The following TSPAN18 variants were observed in gnomAD, a reference collection of about 807,000 sequenced individuals.
TSPAN18 encodes the protein tetraspanin 18, also known as tetraspanin-18.
TSPAN18 carries 14 observed loss-of-function variants against 27.3 expected under a neutral mutation model. That is an observed-to-expected ratio of 0.51 (90% confidence interval 0.34 to 0.80). The LOEUF is 0.80. Among genes scored for constraint, TSPAN18 ranks in the 30% least tolerant of loss-of-function variants. The probability of loss-of-function intolerance (pLI) is 0.01; values close to 1 mark genes in which losing one functional copy is unlikely to be tolerated. For synonymous variants in TSPAN18, 143 were observed against 136.5 expected, an observed-to-expected ratio of 1.05 and a Z score of -0.33; for missense variants, 268 against 323.9, an observed-to-expected ratio of 0.83 and a Z score of 1.32.
Position 44,919,951 on chromosome 11 carries a change from G to A in TSPAN18, c.567G>A (p.Leu189=). ...REPQSRDGVL[L]SREECLLGRS... Reference sequence around the variant, plus strand: ...CCCAAAGTCGGGACGGGGTCCTGCTGAGCCGGGAGGAGTGCCTCCTGGGAA... The same window carrying A: ...CCCAAAGTCGGGACGGGGTCCTGCTAAGCCGGGAGGAGTGCCTCCTGGGAA... Residue 189 remains leucine, a synonymous_variant, in exon 8 of 10, where the codon CTG becomes CTA. Transcript: ENST00000520358. The A allele has an allele frequency of 6.2e-7, 1 of 1,614,180 alleles. No individual in the cohort carries two copies.
At chr11:44,806,938 A>G (rs946411456) in intron 2 of TSPAN18, among the ~76,000 whole-genome samples, 5 of 152,174 alleles carry the variant, frequency 3.3e-5, no homozygotes, top group African/African-American at 9.7e-5. Flanking sequence ...TTATATAGTT[A>G]TCTGAGTGAG....
chr11:44,909,884 G>C lies in TSPAN18; in HGVS notation c.243G>C (p.Lys81Asn). ...GCTGCGGGGCCGTCCGTGAGAACAA[G>C]TGTCTGCTGCTATTTGTGAGTACCC... ...LGCCGAVREN[K>N]CLLLFFFLFI... is the part of the protein sequence containing the mutation. Residue 81 changes from lysine to asparagine, a missense_variant, in exon 5 of 10, where the codon AAG becomes AAC. Coordinates refer to ENST00000520358, the MANE Select transcript of TSPAN18 (RefSeq NM_130783.5). 2 of 1,613,054 alleles carry C rather than the reference G, an allele frequency of 1.2e-6. No individual in the cohort carries two copies. The highest frequency in any genetic ancestry group is 2.2e-5 in the East Asian group (1 of 44,840).
rs74875166 is a variant in TSPAN18, at chr11:44,782,407, G to T, written c.-153+17895G>T. On this transcript the variant is annotated intron_variant, in intron 2 of 9. Coordinates refer to ENST00000520358, the MANE Select transcript of TSPAN18 (RefSeq NM_130783.5). ...AAATACAAAAAATTAGCTGAGCGTAGTAGTGGGCGCCTGTAATCCCAGCTA... is the reference window on the plus strand; with the variant it reads ...AAATACAAAAAATTAGCTGAGCGTATTAGTGGGCGCCTGTAATCCCAGCTA... Among the ~76,000 whole-genome samples, 1,308 of 152,188 alleles carry T rather than the reference G, an allele frequency of 8.6e-3. 22 individuals carry two copies. Among genetic ancestry groups the T allele is most frequent in the African/African-American group, 0.03 (1,241 of 41,506 alleles).
intron 1 of TSPAN18, among the ~76,000 whole-genome samples, chr11:44,754,182 A>G (rs181652037): frequency 1.3e-5 from 2 of 152,248 alleles, no homozygotes; most frequent in African/African-American, 2.4e-5. Context: ...ATATATTTAC[A>G]TGGACTTGAG....
intron 1 of TSPAN18, among the ~76,000 whole-genome samples, chr11:44,739,403 A>G (rs1854876395): frequency 6.6e-6 from 1 of 152,166 alleles, no homozygotes; most frequent in Non-Finnish European, 1.5e-5. Flanking sequence ...CGGGCAGATC[A>G]CTTGAGGTTA....
chr11:44,751,068 T>C (rs1565133244), intron 1 of TSPAN18, among the ~76,000 whole-genome samples: 4 of 152,194 alleles, frequency 2.6e-5, no homozygotes, highest in Non-Finnish European at 5.9e-5. Context: ...TTAGGGCACG[T>C]AAATGGGCAA....
intron 2 of TSPAN18, among the ~76,000 whole-genome samples, chr11:44,850,830 G>C (rs1394162804): frequency 1.3e-5 from 2 of 152,078 alleles, no homozygotes; most frequent in African/African-American, 4.8e-5. Context: ...CCAGGTACAG[G>C]TCATTTCACT....
intron 3 of TSPAN18, among the ~76,000 whole-genome samples, chr11:44,861,168 C>T (rs995415991): frequency 2.6e-5 from 4 of 151,960 alleles, no homozygotes; most frequent in Non-Finnish European, 5.9e-5. Flanking sequence ...TCCATGTGGC[C>T]GCAGGGCAGG....
chr11:44,746,961 T>C (rs1008897552), intron 1 of TSPAN18, among the ~76,000 whole-genome samples: 5 of 152,156 alleles, frequency 3.3e-5, no homozygotes, highest in African/African-American at 4.8e-5. Flanking sequence ...CATGTCAGGG[T>C]GAGATGTGGG....
At chr11:44,915,418 C>T (rs539666186) in intron 5 of TSPAN18, among the ~76,000 whole-genome samples, 4 of 152,142 alleles carry the variant, frequency 2.6e-5, no homozygotes, top group Non-Finnish European at 5.9e-5. Flanking sequence ...GCAGAATGGA[C>T]CATGGGCATT....
At chr11:44,783,199 G>A (rs988756346) in intron 2 of TSPAN18, among the ~76,000 whole-genome samples, 1 of 152,068 alleles carries the variant, frequency 6.6e-6, no homozygotes, top group Non-Finnish European at 1.5e-5. Flanking sequence ...AGAAAACACA[G>A]GAGAATATCT....
chr11:44,908,802 A>AGAAAGAAGGAAGGAAGGAAGGAAG (rs1564992983), intron 4 of TSPAN18, among the ~76,000 whole-genome samples: 1 of 115,538 alleles, frequency 8.7e-6, no homozygotes, highest in Non-Finnish European at 1.8e-5. Context: ...AAAGAAAGAA[A>AGAAAGAAGGAAGGAAGGAAGGAAG]GAAAGAAAGA....
At chr11:44,830,574 C>T (rs1857133531) in intron 2 of TSPAN18, among the ~76,000 whole-genome samples, 1 of 152,154 alleles carries the variant, frequency 6.6e-6, no homozygotes, top group Admixed American at 6.5e-5. Flanking sequence ...TTCTTTGATC[C>T]TATGAGGGAA....
chr11:44,928,272 T>C (rs1465737367), intron 9 of TSPAN18, among the ~76,000 whole-genome samples: 1 of 152,242 alleles, frequency 6.6e-6, no homozygotes, highest in Non-Finnish European at 1.5e-5. Flanking sequence ...ATAGCAGTCC[T>C]GGTAACCTTT....
intron 3 of TSPAN18, among the ~76,000 whole-genome samples, chr11:44,901,731 T>TGAACATCTGCTC (rs2135312834): frequency 6.6e-6 from 1 of 152,344 alleles, no homozygotes; most frequent in East Asian, 1.9e-4. Context: ...ACTCTCTGCT[T>TGAACATCTGCTC]GAACATCTGC....
chr11:44,788,290 G>A (rs1021957090), intron 2 of TSPAN18, among the ~76,000 whole-genome samples: 10 of 152,056 alleles, frequency 6.6e-5, no homozygotes, highest in African/African-American at 2.4e-4. Context: ...TTGAAATGCT[G>A]TCTACGTGCG....
chr11:44,840,798 T>G (rs1027784593), intron 2 of TSPAN18, among the ~76,000 whole-genome samples: 6 of 152,214 alleles, frequency 3.9e-5, no homozygotes, highest in Admixed American at 3.9e-4. Context: ...ATCACATCCC[T>G]GTTTTCCATA....
chr11:44,850,282 G>A (rs55979250), intron 2 of TSPAN18, among the ~76,000 whole-genome samples: 1,558 of 152,272 alleles, frequency 0.01, 20 homozygotes, highest in African/African-American at 0.036. Context: ...CACATTTCAG[G>A]TGGGGTTAGA....
intron 8 of TSPAN18, among the ~76,000 whole-genome samples, chr11:44,920,402 A>C (rs372537085): frequency 6.6e-6 from 1 of 152,148 alleles, no homozygotes; most frequent in East Asian, 1.9e-4. Flanking sequence ...CTTATTTGCC[A>C]TGTGGGGCAC....
Sources: allele counts gnomAD v4.1 joint callset (sites outside exome capture counted in the v4.1 genomes callset), GRCh38; gene constraint gnomAD v4.1.1; transcripts MANE v1.5; gene names NCBI Gene and HGNC (gene_info 2026-07-23, HGNC 2026-07-21).